SNTG1: variants seen among roughly 807,000 people sequenced by gnomAD.
SNTG1 encodes the protein gamma-1-syntrophin.
SNTG1 carries 39 observed loss-of-function variants against 74.7 expected under a neutral mutation model. The observed-to-expected ratio is 0.52, with a 90% CI of 0.40 to 0.68. The LOEUF (loss-of-function observed/expected upper bound fraction) is 0.68, where lower values mean the gene tolerates loss of function less well. Among genes scored for constraint, SNTG1 ranks in the 30% least tolerant of loss-of-function variants. The probability of loss-of-function intolerance (pLI) is 0.00; values close to 1 mark genes in which losing one functional copy is unlikely to be tolerated. For missense variants in SNTG1, 685 were observed against 609.5 expected (o/e 1.12, Z -1.30); for synonymous variants, 254 against 217.1 (o/e 1.17, Z -1.49).
In SNTG1 at chr8:50,494,853, C is replaced by T. The variant is rs564418622; in HGVS notation, c.364-7925C>T. ...ATATTGTCATTACCTTAAATAAGTACAATTTTATCAAATGTTTCAATATTC... is the reference window on the plus strand; with the variant it reads ...ATATTGTCATTACCTTAAATAAGTATAATTTTATCAAATGTTTCAATATTC... On this transcript the variant is annotated intron_variant, in intron 8 of 18. Coordinates refer to ENST00000642720, the MANE Select transcript of SNTG1 (RefSeq NM_018967.5). 4.0e-5 allele frequency among the ~76,000 whole-genome samples: 6 copies of T among 151,876 alleles called. 1 individual carries two copies. The highest frequency in any genetic ancestry group is 8.8e-5 in the Non-Finnish European group (6 of 67,930).
At chr8:50,163,705 G>T (rs761168846) in intron 1 of SNTG1, 1 of 152,008 alleles carries the variant, frequency 6.6e-6, no homozygotes, top group Non-Finnish European at 1.5e-5. Flanking sequence ...GGATTGTCTC[G>T]ATCTCCTGAC....
At chr8:50,444,875 T>C (rs73583421) in intron 5 of SNTG1, among the ~76,000 whole-genome samples, 12,057 of 152,266 alleles carry the variant, frequency 0.079, 526 homozygotes, top group Middle Eastern at 0.17. Context: ...CATTACATTT[T>C]TTTTCATTAC....
chr8:50,737,756 T>C (rs184989090), intron 17 of SNTG1, among the ~76,000 whole-genome samples: 11 of 152,240 alleles, frequency 7.2e-5, no homozygotes, highest in African/African-American at 2.6e-4. Flanking sequence ...TGTTTCAACG[T>C]ATGCAAATCA....
chr8:49,956,133 T>C (rs1476642452), intron 1 of SNTG1, among the ~76,000 whole-genome samples: 2 of 152,242 alleles, frequency 1.3e-5, no homozygotes, highest in Admixed American at 6.5e-5. Context: ...GATTTAAAAT[T>C]CTGATCTGGG....
chr8:50,071,032 T>A lies in SNTG1; in HGVS notation c.-102-101529T>A, dbSNP rs151162612. Among the ~76,000 whole-genome samples, 17 of 152,230 alleles carry A rather than the reference T, an allele frequency of 1.1e-4. No homozygotes were observed. The East Asian group carries it at 2.5e-3, about 22-fold the overall frequency. On this transcript the variant is annotated intron_variant, in intron 1 of 18. Coordinates refer to ENST00000642720, the MANE Select transcript of SNTG1 (RefSeq NM_018967.5). ...TCCAGGAGGCAGAAAGTGGAAACTA[T>A]CCGTGTTCTAAGGCCTGGACCCATA...
intron 1 of SNTG1, among the ~76,000 whole-genome samples, chr8:50,135,112 T>C (rs1467077405): frequency 6.6e-6 from 1 of 152,114 alleles, no homozygotes; most frequent in East Asian, 1.9e-4. Flanking sequence ...TGCTGCAGTC[T>C]GAGGAGAGCC....
chr8:50,087,402 T>G (rs1822996142), intron 1 of SNTG1, among the ~76,000 whole-genome samples: 1 of 152,206 alleles, frequency 6.6e-6, no homozygotes, highest in Non-Finnish European at 1.5e-5. Context: ...TCATGTGGTT[T>G]ACTATTTTAT....
chr8:50,309,933 G>A lies in SNTG1; in HGVS notation c.-27-84279G>A, dbSNP rs1210665162. Among the ~76,000 whole-genome samples the A allele has an allele frequency of 4.6e-5, 7 of 152,172 alleles. 1 individual carries two copies. Among genetic ancestry groups the A allele is most frequent in the Non-Finnish European group, 7.4e-5 (5 of 68,022 alleles). The stretch of plus-strand genomic sequence containing the variant: ...GAGACAATTAACTGGAAAACATTGT[G>A]TTTTAACTTCTGTGGTATTAATATC... On this transcript the variant is annotated intron_variant, in intron 2 of 18. Coordinates refer to ENST00000642720, the MANE Select transcript of SNTG1 (RefSeq NM_018967.5).
intron 17 of SNTG1, among the ~76,000 whole-genome samples, chr8:50,739,120 A>T (rs565010410): frequency 1.3e-5 from 2 of 151,584 alleles, no homozygotes; most frequent in East Asian, 3.9e-4. Flanking sequence ...ATCAGGATGA[A>T]CAGGCCATCT....
chr8:50,482,524 G>A, intron 8 of SNTG1, among the ~76,000 whole-genome samples: 1 of 152,152 alleles, frequency 6.6e-6, no homozygotes, highest in Admixed American at 6.5e-5. Flanking sequence ...CTCCCAATGA[G>A]CACTCATTCC....
chr8:50,403,441 G>C lies in SNTG1; in HGVS notation c.162+1097G>C, dbSNP rs571087231. 2.1e-3 allele frequency among the ~76,000 whole-genome samples: 321 copies of C among 152,264 alleles called. 1 individual carries two copies. Among genetic ancestry groups the C allele is most frequent in the African/African-American group, 7.5e-3 (312 of 41,562 alleles). On this transcript the variant is annotated intron_variant, in intron 4 of 18. Coordinates refer to ENST00000642720, the MANE Select transcript of SNTG1 (RefSeq NM_018967.5). ...CCTGGATGTCAAGGCTGATTAAACT[G>C]TTCCCATGGGGTTGTCCTTTCTTCC...
intron 2 of SNTG1, among the ~76,000 whole-genome samples, chr8:50,318,175 C>T (rs2090387167): frequency 6.6e-6 from 1 of 152,060 alleles, no homozygotes; most frequent in Non-Finnish European, 1.5e-5. Flanking sequence ...GCTTGTCTTG[C>T]TCCCTGGACT....
intron 8 of SNTG1, among the ~76,000 whole-genome samples, chr8:50,488,825 C>T (rs891342365): frequency 7.9e-5 from 12 of 152,176 alleles, no homozygotes; most frequent in East Asian, 1.9e-4. Flanking sequence ...ATGTGCAGAA[C>T]GCGCAGGTTT....
chr8:50,402,190 T>C lies in SNTG1; in HGVS notation c.28-20T>C, dbSNP rs1366452353. On this transcript the variant is annotated intron_variant, in intron 3 of 18. Transcript: ENST00000642720. ...CTAAGTATAATTTTTCCTCTGTTTG[T>C]TTTTTTTTTTAATCTGAAGACAAAG... is the stretch of plus-strand genomic sequence containing the variant. The C allele has an allele frequency of 1.1e-6, 1 of 920,120 alleles. No individual in the cohort carries two copies. Among genetic ancestry groups the C allele is most frequent in the East Asian group, 3.9e-5 (1 of 25,938 alleles). The allele number at this position is 920,120 out of a possible 1,614,324, so 57.0% of individuals were successfully genotyped here.
chr8:50,488,515 G>A (rs919158962), intron 8 of SNTG1, among the ~76,000 whole-genome samples: 1 of 152,100 alleles, frequency 6.6e-6, no homozygotes, highest in Non-Finnish European at 1.5e-5. Flanking sequence ...ACACAGCTCT[G>A]CTCTTGCTTG....
intron 8 of SNTG1, among the ~76,000 whole-genome samples, chr8:50,469,721 G>A (rs535714037): frequency 6.6e-6 from 1 of 152,310 alleles, no homozygotes; most frequent in African/African-American, 2.4e-5. Flanking sequence ...GCTCACGCCT[G>A]TAATCCCAGC....
chr8:50,274,634 A>G (rs2087990309), intron 2 of SNTG1, among the ~76,000 whole-genome samples: 1 of 152,148 alleles, frequency 6.6e-6, no homozygotes, highest in South Asian at 2.1e-4. Context: ...TCCCCATCTT[A>G]GGATAAAGAC....
intron 13 of SNTG1, among the ~76,000 whole-genome samples, chr8:50,628,087 G>A (rs1172484914): frequency 2.0e-5 from 3 of 152,130 alleles, no homozygotes; most frequent in Non-Finnish European, 4.4e-5. Context: ...TCATCTCATG[G>A]AAACAAAGAT....
chr8:50,616,145 T>G (rs534317901), intron 13 of SNTG1, among the ~76,000 whole-genome samples: 1 of 152,306 alleles, frequency 6.6e-6, no homozygotes, highest in African/African-American at 2.4e-5. Flanking sequence ...GTTAATCACA[T>G]ATACAAAATA....
Sources: gnomAD v4.1 joint callset for allele counts (sites outside exome capture counted in the v4.1 genomes callset) on GRCh38, gnomAD v4.1.1 for gene constraint, MANE v1.5 for transcripts, NCBI Gene and HGNC (gene_info 2026-07-23, HGNC 2026-07-21) for gene names.